WASF2: variants seen among roughly 807,000 people sequenced by gnomAD.
WASF2 encodes the protein actin-binding protein WASF2.
WASF2 carries 14 observed loss-of-function variants against 45.0 expected under a neutral mutation model. The observed-to-expected ratio is 0.31, with a 90% CI of 0.21 to 0.49. The LOEUF is 0.49. WASF2 is among the 20% of genes least tolerant of loss of function. The pLI is 0.99. For missense variants in WASF2, 439 were observed against 636.1 expected (o/e 0.69, Z 3.33); for synonymous variants, 200 against 236.3 (o/e 0.85, Z 1.41).
chr1:27,488,324 G>A (rs1239688644), intron 1 of WASF2, among the ~76,000 whole-genome samples: 1 of 152,160 alleles, frequency 6.6e-6, no homozygotes, highest in South Asian at 2.1e-4. Flanking sequence ...TCACTCATTA[G>A]AAGTCAAAAA....
At chr1:27,443,153 G>A (rs2017263816) in intron 1 of WASF2, among the ~76,000 whole-genome samples, 1 of 148,350 alleles carries the variant, frequency 6.7e-6, no homozygotes, top group African/African-American at 2.5e-5. Flanking sequence ...AACACAGTGA[G>A]ACCCTGTTTC....
At chr1:27,432,603 G>A (rs1400821117) in intron 1 of WASF2, among the ~76,000 whole-genome samples, 1 of 116,696 alleles carries the variant, frequency 8.6e-6, no homozygotes, top group East Asian at 2.7e-4. Context: ...AGCCAAGATC[G>A]CGCCACTGCA....
At chr1:27,481,915 G>A (rs2017855413) in intron 1 of WASF2, among the ~76,000 whole-genome samples, 1 of 152,068 alleles carries the variant, frequency 6.6e-6, no homozygotes, top group Admixed American at 6.6e-5. Context: ...AAATCATCAT[G>A]AAAAGCAAAT....
At position 27,416,121 on chromosome 1, in the gene WASF2, C is replaced by T. The variant is rs995154203; in HGVS notation, c.420-19G>A. The T allele has an allele frequency of 5.0e-6, 8 of 1,605,686 alleles. No homozygotes were observed. The highest frequency in any genetic ancestry group is 6.0e-6 in the Non-Finnish European group (7 of 1,172,472). ...ATCGTCCCTGGGATAGAAATGAAGA[C>T]AAGTAGCTGTCAGTAGACAGATGAG... is the stretch of plus-strand genomic sequence containing the variant. On this transcript the variant is annotated intron_variant, in intron 4 of 8. Coordinates refer to ENST00000618852, the MANE Select transcript of WASF2 (RefSeq NM_006990.5).
intron 1 of WASF2, among the ~76,000 whole-genome samples, chr1:27,439,812 A>C (rs571962218): frequency 6.6e-6 from 1 of 151,924 alleles, no homozygotes; most frequent in Non-Finnish European, 1.5e-5. Flanking sequence ...TAGCCTGGGC[A>C]ACATGGTGAG....
chr1:27,489,074 C>T (rs1192929703), intron 1 of WASF2, among the ~76,000 whole-genome samples: 2 of 152,036 alleles, frequency 1.3e-5, no homozygotes, highest in Non-Finnish European at 2.9e-5. Flanking sequence ...AGTCCTTCCT[C>T]TTCTCCGGTT....
intron 1 of WASF2, among the ~76,000 whole-genome samples, chr1:27,479,123 A>G (rs1178339188): frequency 1.3e-5 from 2 of 151,862 alleles, no homozygotes; most frequent in Non-Finnish European, 2.9e-5. Flanking sequence ...CGTCTCTACT[A>G]AAAATACAAA....
intron 1 of WASF2, among the ~76,000 whole-genome samples, chr1:27,471,913 A>T (rs1317049154): frequency 6.6e-6 from 1 of 152,184 alleles, no homozygotes; most frequent in Non-Finnish European, 1.5e-5. Flanking sequence ...CTCTTTAGCG[A>T]CCTACCTAGT....
chr1:27,437,080 A>G (rs1037767582), intron 1 of WASF2, among the ~76,000 whole-genome samples: 2 of 152,168 alleles, frequency 1.3e-5, no homozygotes, highest in African/African-American at 4.8e-5. Context: ...CACACCTGGT[A>G]ATTCCATAAC....
intron 1 of WASF2, among the ~76,000 whole-genome samples, chr1:27,460,286 AAT>A (rs1482353374): frequency 1.3e-5 from 2 of 152,156 alleles, no homozygotes; most frequent in African/African-American, 4.8e-5. Context: ...ACTTGGAGGA[AAT>A]GAAGTTTGAC....
At chr1:27,468,502 G>T (rs567695548) in intron 1 of WASF2, among the ~76,000 whole-genome samples, 1 of 151,452 alleles carries the variant, frequency 6.6e-6, no homozygotes, top group Admixed American at 6.6e-5. Context: ...TTAGCTGGTC[G>T]TGGTGGCTAA....
intron 1 of WASF2, among the ~76,000 whole-genome samples, chr1:27,478,479 T>C (rs1000016163): frequency 6.6e-6 from 1 of 152,188 alleles, no homozygotes; most frequent in South Asian, 2.1e-4. Flanking sequence ...AAATTTAATA[T>C]GTGGGGATAG....
At position 27,418,277 on chromosome 1, in the gene WASF2, G is replaced by C. The variant is rs1359823901; in HGVS notation, c.411C>G (p.Thr137=). ...CDTPPPLNNL[T]PYRDDGKEAL... The stretch of plus-strand genomic sequence containing the variant: ...AACTAGCCAGCCATTACCTGTAAGG[G>C]GTAAGATTGTTGAGAGGGGGAGGAG... The change falls in exon 4 of 9, where the codon ACC becomes ACG. Residue 137 remains threonine (T), a synonymous_variant. Coordinates refer to ENST00000618852, the MANE Select transcript of WASF2 (RefSeq NM_006990.5). 6.2e-7 allele frequency: 1 copy of C among 1,614,050 alleles called. No individual in the cohort carries two copies. The highest frequency in any genetic ancestry group is 2.2e-5 in the East Asian group (1 of 44,868).
intron 1 of WASF2, among the ~76,000 whole-genome samples, chr1:27,444,151 A>G (rs184093683): frequency 4.0e-5 from 6 of 151,846 alleles, no homozygotes; most frequent in Admixed American, 2.6e-4. Context: ...TGTGAACGTG[A>G]CTCATGCAGC....
chr1:27,424,508 TA>T (rs1316820842), intron 2 of WASF2, among the ~76,000 whole-genome samples: 1 of 149,434 alleles, frequency 6.7e-6, no homozygotes, highest in African/African-American at 2.4e-5. Context: ...GAACAAACAA[TA>T]CATGATTTCT....
chr1:27,473,072 C>T (rs1174978437), intron 1 of WASF2, among the ~76,000 whole-genome samples: 1 of 151,262 alleles, frequency 6.6e-6, no homozygotes, highest in Non-Finnish European at 1.5e-5. Context: ...GGGAGAAAAT[C>T]TTTGTAAATA....
chr1:27,487,636 A>ATATTATATT, intron 1 of WASF2, among the ~76,000 whole-genome samples: 1 of 81,184 alleles, frequency 1.2e-5, no homozygotes, highest in Non-Finnish European at 2.1e-5. Context: ...TACAATATAT[A>ATATTATATT]ATATATATTA....
intron 1 of WASF2, among the ~76,000 whole-genome samples, chr1:27,439,129 C>T (rs2017174919): frequency 6.6e-6 from 1 of 152,210 alleles, no homozygotes; most frequent in Non-Finnish European, 1.5e-5. Flanking sequence ...TTCACTCCAC[C>T]ACTGCCACAT....
rs2016672995 is a variant in WASF2, at chr1:27,406,246, A to G, written c.*1943T>C. ...GCTGGGAAACAAGGTGGGGGCCCAC[A>G]TAGCCTGGTGTCTCAGCATGGAGCT... On this transcript the variant is annotated 3_prime_UTR_variant, in exon 9 of 9. Transcript: ENST00000618852. The G allele has an allele frequency of 6.6e-6, 1 of 152,550 alleles. No individual in the cohort carries two copies. The highest frequency in any genetic ancestry group is 1.5e-5 in the Non-Finnish European group (1 of 68,110). 9.4% of individuals were successfully genotyped at this position (152,550 alleles called of 1,614,324 possible). A position where few individuals can be genotyped will look rare whatever the true frequency, so the allele number is the denominator to read the frequency against.
Sources: gnomAD v4.1 joint callset for allele counts (sites outside exome capture counted in the v4.1 genomes callset) on GRCh38, gnomAD v4.1.1 for gene constraint, MANE v1.5 for transcripts, NCBI Gene and HGNC (gene_info 2026-07-23, HGNC 2026-07-21) for gene names.